PACRG: variants seen among roughly 807,000 people sequenced by gnomAD.
PACRG encodes parkin coregulated gene protein.
Under a neutral mutation model 29.7 loss-of-function variants are expected in PACRG, and 29 were observed. The ratio of observed to expected loss-of-function variants is 0.98; its 90% CI spans 0.73 to 1.33. The LOEUF (loss-of-function observed/expected upper bound fraction) is 1.33, where lower values mean the gene tolerates loss of function less well. Among genes scored for constraint, PACRG ranks in the 40% most tolerant of loss-of-function variants. The pLI, the probability that PACRG is intolerant of heterozygous loss-of-function variation, is 0.00. For synonymous variants in PACRG, 116 were observed against 118.7 expected (o/e 0.98, Z 0.15); for missense variants, 279 against 316.2 (o/e 0.88, Z 0.89).
chr6:163,264,732 G>T (rs1783464159), intron 4 of PACRG, among the ~76,000 whole-genome samples: 1 of 152,200 alleles, frequency 6.6e-6, no homozygotes, highest in Non-Finnish European at 1.5e-5. Flanking sequence ...GGGACAAACT[G>T]CAGATTACCT....
intron 3 of PACRG, among the ~76,000 whole-genome samples, chr6:163,066,625 G>A (rs779500915): frequency 8.5e-5 from 13 of 152,164 alleles, no homozygotes; most frequent in African/African-American, 1.9e-4. Flanking sequence ...GTTAAACAGA[G>A]TCTGTCTATT....
chr6:163,124,431 G>C (rs1816433300), intron 4 of PACRG, among the ~76,000 whole-genome samples: 1 of 152,134 alleles, frequency 6.6e-6, no homozygotes, highest in Non-Finnish European at 1.5e-5. Context: ...TGTCTACTGG[G>C]TCTTAAGTTG....
chr6:163,181,656 T>G (rs991861431), intron 4 of PACRG, among the ~76,000 whole-genome samples: 6 of 151,450 alleles, frequency 4.0e-5, no homozygotes, highest in African/African-American at 1.5e-4. Context: ...CGGCCAACCC[T>G]TTTTATAGAT....
At chr6:162,986,947 A>G (rs936043805) in intron 2 of PACRG, among the ~76,000 whole-genome samples, 10 of 151,720 alleles carry the variant, frequency 6.6e-5, no homozygotes, top group African/African-American at 2.4e-4. Context: ...AATTTTTTAA[A>G]GTTGGCTTTC....
chr6:163,133,631 GTA>G (rs1236029567), intron 4 of PACRG, among the ~76,000 whole-genome samples: 1 of 152,208 alleles, frequency 6.6e-6, no homozygotes, highest in African/African-American at 2.4e-5. Context: ...AAGAGATGCT[GTA>G]TGTCTTGCCT....
At chr6:163,127,552 G>A (rs754148376) in intron 4 of PACRG, among the ~76,000 whole-genome samples, 2 of 152,108 alleles carry the variant, frequency 1.3e-5, no homozygotes, top group Non-Finnish European at 2.9e-5. Context: ...GAATCTTCAG[G>A]TCGCCTTATA....
At chr6:163,009,207 C>T (rs1192973465) in intron 2 of PACRG, among the ~76,000 whole-genome samples, 1 of 152,120 alleles carries the variant, frequency 6.6e-6, no homozygotes, top group Non-Finnish European at 1.5e-5. Context: ...ATTCTTTACA[C>T]CTTATTGAGG....
At chr6:163,155,062 C>T (rs536683419) in intron 4 of PACRG, among the ~76,000 whole-genome samples, 5 of 152,292 alleles carry the variant, frequency 3.3e-5, no homozygotes, top group Admixed American at 1.3e-4. Flanking sequence ...TAATTTTTCA[C>T]TAGTTCTTCC....
At chr6:163,175,330 G>C (rs111304496) in intron 4 of PACRG, among the ~76,000 whole-genome samples, 16 of 152,296 alleles carry the variant, frequency 1.1e-4, no homozygotes, top group African/African-American at 3.6e-4. Context: ...GACCTGAAGA[G>C]ACTTCTGTTG....
chr6:163,303,669 A>C (rs899858902), intron 4 of PACRG, among the ~76,000 whole-genome samples: 7 of 152,184 alleles, frequency 4.6e-5, no homozygotes, highest in Non-Finnish European at 1.0e-4. Context: ...AAATGAAAGC[A>C]CTATAAAAAT....
intron 2 of PACRG, among the ~76,000 whole-genome samples, chr6:162,829,138 G>A (rs972412042): frequency 3.9e-5 from 6 of 152,068 alleles, no homozygotes; most frequent in Admixed American, 2.0e-4. Context: ...AAGTAAAATC[G>A]TTACTAGTGA....
At chr6:162,978,503 A>G (rs1802146117) in intron 2 of PACRG, among the ~76,000 whole-genome samples, 1 of 151,480 alleles carries the variant, frequency 6.6e-6, no homozygotes, top group African/African-American at 2.4e-5. Flanking sequence ...CACACATTGT[A>G]GACATAATTC....
chr6:163,216,099 T>C (rs1781350965), intron 4 of PACRG, among the ~76,000 whole-genome samples: 1 of 152,218 alleles, frequency 6.6e-6, no homozygotes, highest in Admixed American at 6.5e-5. Flanking sequence ...AAATGTAGAC[T>C]TTTCCCTCTT....
intron 1 of PACRG, among the ~76,000 whole-genome samples, chr6:162,790,127 T>A (rs1270468393): frequency 6.6e-6 from 1 of 152,220 alleles, no homozygotes; most frequent in Non-Finnish European, 1.5e-5. Flanking sequence ...TGTTTTAAAA[T>A]GTAAACACTT....
Position 163,039,733 on chromosome 6 carries a change from A to G in PACRG, c.292-22417A>G, listed in dbSNP as rs539323104. On this transcript the variant is annotated intron_variant, in intron 2 of 4. Transcript: ENST00000366888. ...GAGATGATTTAGGGCATCTGGCAGA[A>G]GAAATTTCTAAGCAGCAAAGCATTC... 2.0e-5 allele frequency among the ~76,000 whole-genome samples: 3 copies of G among 152,362 alleles called. No individual in the cohort carries two copies. In the South Asian group the frequency reaches 6.2e-4, roughly 32 times the overall value.
chr6:162,900,193 C>G (rs1795460893), intron 2 of PACRG, among the ~76,000 whole-genome samples: 1 of 152,110 alleles, frequency 6.6e-6, no homozygotes, highest in Non-Finnish European at 1.5e-5. Context: ...AAGGAACCAA[C>G]ACGCACATAT....
chr6:163,006,487 T>C (rs1044190472), intron 2 of PACRG, among the ~76,000 whole-genome samples: 2 of 151,770 alleles, frequency 1.3e-5, no homozygotes, highest in East Asian at 3.9e-4. Context: ...TTTTTCTATA[T>C]GTTTACTGAT....
At chr6:162,903,748 C>T (rs942474901) in intron 2 of PACRG, among the ~76,000 whole-genome samples, 1 of 152,110 alleles carries the variant, frequency 6.6e-6, no homozygotes, top group African/African-American at 2.4e-5. Flanking sequence ...CTGTCTCTTA[C>T]TTTTTTGTCT....
chr6:162,758,472 A>G (rs550842038), intron 1 of PACRG, among the ~76,000 whole-genome samples: 159 of 152,286 alleles, frequency 1.0e-3, no homozygotes, highest in African/African-American at 3.7e-3. Context: ...GAACTGTTCC[A>G]TCTTCAACCA....
Sources: allele counts gnomAD v4.1 joint callset (sites outside exome capture counted in the v4.1 genomes callset), GRCh38; gene constraint gnomAD v4.1.1; transcripts MANE v1.5; gene names NCBI Gene and HGNC (gene_info 2026-07-23, HGNC 2026-07-21).